Variants in OTOF observed in about 807,000 individuals in gnomAD.
OTOF encodes otoferlin.
OTOF carries 218 observed loss-of-function variants against 236.8 expected under a neutral mutation model. The observed-to-expected ratio is 0.92, with a 90% CI of 0.82 to 1.03. The LOEUF is 1.03. OTOF is among the 50% of genes least tolerant of loss of function. The pLI is 0.00. For synonymous variants in OTOF, 1,041 were observed against 1,072.5 expected, an observed-to-expected ratio of 0.97 and a Z score of 0.57; for missense variants, 2,590 against 2,694.4, an observed-to-expected ratio of 0.96 and a Z score of 0.86.
At chr2:26,504,083 G>A (rs57061425) in intron 5 of OTOF, among the ~76,000 whole-genome samples, 2 of 152,264 alleles carry the variant, frequency 1.3e-5, no homozygotes, top group African/African-American at 2.4e-5. Context: ...ACACACGGAG[G>A]AGAGGGATGG....
Position 26,464,028 on chromosome 2 carries a change from C to T in OTOF, c.5039G>A (p.Arg1680His), listed in dbSNP as rs11893228. Reference sequence around the variant, plus strand: ...CGTCTCCACATGCTCTGGCACCAGGCGGCAGCCTGCGCGGGGGATGTCCTC... The same window carrying T: ...CGTCTCCACATGCTCTGGCACCAGGTGGCAGCCTGCGCGGGGGATGTCCTC... Reference protein sequence around the residue: ...HWEDIPRAGCRLVPEHVETRP... With the variant: ...HWEDIPRAGCHLVPEHVETRP... Residue 1680 changes from arginine to histidine, a missense_variant, in exon 40 of 47, where the codon CGC (arginine) becomes CAC (histidine). By Grantham distance (29) the Arg-to-His change is conservative. Coordinates refer to ENST00000272371, the MANE Select transcript of OTOF (RefSeq NM_194248.3). The T allele has an allele frequency of 5.7e-4, 922 of 1,613,702 alleles. 9 individuals carry two copies. The African/African-American group carries it at 0.011, about 19-fold the overall frequency.
At chr2:26,514,407 C>A (rs1417276758) in intron 5 of OTOF, among the ~76,000 whole-genome samples, 4 of 152,258 alleles carry the variant, frequency 2.6e-5, no homozygotes, top group Non-Finnish European at 5.9e-5. Context: ...GTCGGGGGAG[C>A]CCTCTTATCT....
intron 41 of OTOF, 137 bp downstream of exon 41, chr2:26,463,346 T>C (rs1664572077): frequency 1.3e-6 from 1 of 750,926 alleles, no homozygotes; most frequent in Admixed American, 2.0e-5. Flanking sequence ...TAAGGCCCAG[T>C]GGCCACACCC....
rs560267140 is a variant in OTOF at position 26,506,272 on chromosome 2, G to A, written c.510-2427C>T. ...CCAGGAGTCTCCTGCAGGGCTCAGC[G>A]TTTGACTTTGCACCATTACTTCTTG... is the stretch of plus-strand genomic sequence containing the variant. On this transcript the variant is annotated intron_variant, in intron 5 of 46. Coordinates refer to ENST00000272371, the MANE Select transcript of OTOF (RefSeq NM_194248.3). 9.8e-5 allele frequency among the ~76,000 whole-genome samples: 15 copies of A among 152,336 alleles called. No individual in the cohort carries two copies. The South Asian group carries it at 1.7e-3, about 17-fold the overall frequency.
chr2:26,486,285 A>G (rs1267685652), intron 11 of OTOF, among the ~76,000 whole-genome samples: 12 of 51,260 alleles, frequency 2.3e-4, no homozygotes, highest in South Asian at 8.4e-4. Flanking sequence ...TATATGGGTG[A>G]GTGGGTGGAT....
chr2:26,527,723 T>C (rs1263205774), intron 3 of OTOF, 109 bp downstream of exon 3: 1 of 821,140 alleles, frequency 1.2e-6, no homozygotes, highest in African/African-American at 1.7e-5. Flanking sequence ...CCAGGGCAGG[T>C]TGGGAGTGTA....
At chr2:26,503,613 G>A (rs1666173808) in intron 6 of OTOF, among the ~76,000 whole-genome samples, 159 bp downstream of exon 6, 3 of 152,214 alleles carry the variant, frequency 2.0e-5, no homozygotes. Flanking sequence ...CTCGGCCCTA[G>A]GGCGTCTCCT....
In OTOF at chr2:26,527,830, A is replaced by G. The variant is rs1344409792; in HGVS notation, c.227+2T>C. The G allele has an allele frequency of 8.1e-6, 13 of 1,608,180 alleles. No individual in the cohort carries two copies. The highest frequency in any genetic ancestry group is 1.6e-4 in the Middle Eastern group (1 of 6,070). On this transcript the variant is annotated splice_donor_variant, in intron 3 of 46. Coordinates refer to ENST00000272371, the MANE Select transcript of OTOF (RefSeq NM_194248.3). LOFTEE classifies it high-confidence loss of function. ...GCCCCTCCTGCCCCATCCCACACTT[A>G]CTTGTTGCTGAAGACTTTGCTGTAG...
intron 1 of OTOF, among the ~76,000 whole-genome samples, chr2:26,551,625 A>G (rs1402961): frequency 0.93 from 141,930 of 152,290 alleles, 66,959 homozygotes; most frequent in East Asian, 1. Flanking sequence ...CAGGAACCAC[A>G]TCTGTCTCAT....
At chr2:26,526,485 TGATA>T (rs961520096) in intron 3 of OTOF, among the ~76,000 whole-genome samples, 1 of 151,094 alleles carries the variant, frequency 6.6e-6, no homozygotes, top group African/African-American at 2.4e-5. Context: ...ATAACAGGAA[TGATA>T]GATGGATGGA....
At chr2:26,502,190 A>G (rs532760571) in intron 7 of OTOF, 110 bp downstream of exon 7, 56 of 1,179,062 alleles carry the variant, frequency 4.7e-5, no homozygotes, top group Non-Finnish European at 6.9e-5. Context: ...GGTTAGGAAG[A>G]AGCCGTCCAT....
rs770168563 is a variant in OTOF, at chr2:26,537,772, G to A, written c.82C>T (p.Gln28Ter). 1 of 1,552,698 alleles carries A rather than the reference G, an allele frequency of 6.4e-7. No homozygotes were observed. The highest frequency in any genetic ancestry group is 1.2e-5 in the South Asian group (1 of 84,124). ...TCCAGGACCCGAGAGTAGAAGGATT[G>A]CCCTGTGGGGAAAGAGGAAATAAAT... ...DRIAKVTFRGQSFYSRVLENC... is the reference protein window; with the variant it reads ...DRIAKVTFRG Residue 28 changes from glutamine (Q) to a stop codon, truncating the protein, a stop_gained and splice_region_variant, in exon 2 of 47, where the codon CAA (glutamine) becomes TAA (stop). Coordinates refer to ENST00000272371, the MANE Select transcript of OTOF (RefSeq NM_194248.3). LOFTEE classifies it high-confidence loss of function.
chr2:26,460,271 G>A lies in OTOF; in HGVS notation c.5814-66C>T. ...AGGAGAAGGGATTGGGTGTGGCGAG[G>A]GGCCAAGACCAAGAGGGAAGCTGTC... On this transcript the variant is annotated intron_variant, in intron 45 of 46. Transcript: ENST00000272371. The surrounding 1 kb of genome is among the most constrained non-coding windows in gnomAD (Gnocchi z 5.3). 7.6e-7 allele frequency: 1 copy of A among 1,320,492 alleles called. No individual in the cohort carries two copies. The highest frequency in any genetic ancestry group is 1.1e-6 in the Non-Finnish European group (1 of 936,170). 81.8% of individuals were successfully genotyped at this position (1,320,492 alleles called of 1,614,324 possible).
chr2:26,475,965 GAGTCCGCTGCTGTCGGCGGCAA>G lies in OTOF; in HGVS notation c.2918_2939del (p.Phe973SerfsTer20), dbSNP rs1285766535. ...AGAAGACGCGGGCAAAGGGGTCTGA[GAGTCCGCTGCTGTCGGCGGCAA>G]AGAGGCTGCGGGCCTGGTACATGTG... On this transcript the variant is annotated frameshift_variant, in exon 24 of 47. Coordinates refer to ENST00000272371, the MANE Select transcript of OTOF (RefSeq NM_194248.3). LOFTEE classifies it high-confidence loss of function. 6.2e-7 allele frequency: 1 copy of G among 1,612,402 alleles called. No individual in the cohort carries two copies.
At chr2:26,553,114 C>A (rs1667503472) in intron 1 of OTOF, among the ~76,000 whole-genome samples, 1 of 152,186 alleles carries the variant, frequency 6.6e-6, no homozygotes, top group Admixed American at 6.5e-5. Context: ...GAGCCTGCAG[C>A]CAACAGTAGG....
At chr2:26,530,239 C>T (rs770051761) in intron 2 of OTOF, among the ~76,000 whole-genome samples, 8 of 151,816 alleles carry the variant, frequency 5.3e-5, no homozygotes, top group Admixed American at 1.3e-4. Flanking sequence ...GGGTGTTGAA[C>T]GGTGGCGGGA....
intron 4 of OTOF, among the ~76,000 whole-genome samples, chr2:26,516,943 G>A (rs981994297): frequency 1.3e-5 from 2 of 152,098 alleles, no homozygotes; most frequent in Admixed American, 6.6e-5. Context: ...CGAGAGTGTC[G>A]TTCAGCATCC....
chr2:26,497,690 C>A (rs765923593), intron 8 of OTOF, among the ~76,000 whole-genome samples: 1 of 152,152 alleles, frequency 6.6e-6, no homozygotes, highest in Admixed American at 6.5e-5. Flanking sequence ...TGAAGTGACA[C>A]TTGAACTAGG....
chr2:26,476,434 C>G (rs1665272692), intron 22 of OTOF, 117 bp from the exon 23 acceptor site: 5 of 986,700 alleles, frequency 5.1e-6, no homozygotes, highest in Non-Finnish European at 7.6e-6. Flanking sequence ...TCACAGCCAT[C>G]CCGCTGGGCT....
Sources: allele counts gnomAD v4.1 joint callset (sites outside exome capture counted in the v4.1 genomes callset), GRCh38; gene constraint gnomAD v4.1.1; non-coding constraint Gnocchi (gnomAD v3.1); transcripts MANE v1.5; gene names NCBI Gene and HGNC (gene_info 2026-07-23, HGNC 2026-07-21).